The following CCDC191 variants were observed in gnomAD, a reference collection of about 807,000 sequenced individuals.
The protein encoded by CCDC191 is coiled-coil domain containing 191.
Under a neutral mutation model 114.0 loss-of-function variants are expected in CCDC191, and 99 were observed. The ratio of observed to expected loss-of-function variants is 0.87; its 90% confidence interval spans 0.74 to 1.03. The LOEUF is 1.03. Among genes scored for constraint, CCDC191 ranks in the 50% least tolerant of loss-of-function variants. The probability of loss-of-function intolerance (pLI) is 0.00; values close to 1 mark genes in which losing one functional copy is unlikely to be tolerated. For synonymous variants in CCDC191, 351 were observed against 376.0 expected (o/e 0.93, Z 0.77); for missense variants, 973 against 1,087.0 (o/e 0.90, Z 1.47).
intron 16 of CCDC191, 53 bp from the exon 17 acceptor site, chr3:113,965,412 C>A: frequency 9.8e-7 from 1 of 1,024,182 alleles, no homozygotes; most frequent in South Asian, 1.6e-5. Context: ...GTTGGCTTTC[C>A]ATCTATAGCA....
intron 13 of CCDC191, among the ~76,000 whole-genome samples, chr3:113,999,765 T>C (rs536485828): frequency 6.6e-6 from 1 of 152,344 alleles, no homozygotes; most frequent in African/African-American, 2.4e-5. Context: ...AATACATTTG[T>C]GCATTTTCTT....
chr3:114,030,650 C>G (rs1189655488), intron 7 of CCDC191, among the ~76,000 whole-genome samples: 2 of 152,146 alleles, frequency 1.3e-5, no homozygotes, highest in African/African-American at 2.4e-5. Flanking sequence ...ATATCACCAT[C>G]AAATATGTCT....
At chr3:114,005,987 C>T (rs890303644) in intron 9 of CCDC191, 25 bp from the exon 10 acceptor site, 16 of 1,584,422 alleles carry the variant, frequency 1.0e-5, no homozygotes, top group Admixed American at 3.3e-5. Flanking sequence ...CATGTTATAG[C>T]TCAACTATTT....
chr3:113,975,634 T>C lies in CCDC191; in HGVS notation c.2606+2552A>G, dbSNP rs986982644. On this transcript the variant is annotated intron_variant, in intron 16 of 16. Coordinates refer to ENST00000295878, the MANE Select transcript of CCDC191 (RefSeq NM_020817.2). ...TACTTTCAGAGAGTCTTAAGTGCTG[T>C]GAAGGAAGTAGGGCAGTTTAATGGA... is the stretch of plus-strand genomic sequence containing the variant. 3.9e-5 allele frequency among the ~76,000 whole-genome samples: 6 copies of C among 152,304 alleles called. No individual in the cohort carries two copies. In the East Asian group the frequency reaches 1.2e-3, roughly 29 times the overall value.
intron 7 of CCDC191, among the ~76,000 whole-genome samples, chr3:114,027,601 C>CAA (rs67548547): frequency 0.076 from 4,526 of 59,342 alleles, 252 homozygotes; most frequent in Non-Finnish European, 0.095. Flanking sequence ...GACTCTGTCT[C>CAA]AAAAAAAAAA....
In CCDC191 at chr3:113,964,265, T is replaced by A. The variant is rs543201855; in HGVS notation, c.*890A>T. On this transcript the variant is annotated 3_prime_UTR_variant, in exon 17 of 17. Coordinates refer to ENST00000295878, the MANE Select transcript of CCDC191 (RefSeq NM_020817.2). ...TATGCATTTATGGACTACTTGAATT[T>A]GTTATATAATAAATGTGTATTTTAT... 5.3e-5 allele frequency: 8 copies of A among 152,356 alleles called. No individual in the cohort carries two copies. The highest frequency in any genetic ancestry group is 4.6e-4 in the Admixed American group (7 of 15,306). 9.4% of individuals were successfully genotyped at this position (152,356 alleles called of 1,614,324 possible).
intron 3 of CCDC191, among the ~76,000 whole-genome samples, 175 bp from the exon 4 acceptor site, chr3:114,043,021 C>T (rs2076583798): frequency 1.3e-5 from 2 of 152,090 alleles, no homozygotes; most frequent in South Asian, 4.1e-4. Context: ...CATCATGAAA[C>T]TTACATTCCA....
chr3:113,978,918 G>T lies in CCDC191; in HGVS notation c.2400C>A (p.Ala800=). ...RSQESLARKM[A]QADQFYSQIL... ...TTTGGGAATAAAATTGATCAGCCTG[G>T]GCCATCTTTCTAGCCAGACTTTCCT... Residue 800 remains alanine (A), a synonymous_variant, in exon 15 of 17, where the codon GCC becomes GCA. Coordinates refer to ENST00000295878, the MANE Select transcript of CCDC191 (RefSeq NM_020817.2). 1 of 1,613,960 alleles carries T rather than the reference G, an allele frequency of 6.2e-7. No individual in the cohort carries two copies. The highest frequency in any genetic ancestry group is 2.2e-5 in the East Asian group (1 of 44,884).
At chr3:114,010,158 A>C (rs2076044651) in intron 9 of CCDC191, among the ~76,000 whole-genome samples, 1 of 152,182 alleles carries the variant, frequency 6.6e-6, no homozygotes, top group South Asian at 2.1e-4. Flanking sequence ...GAAGGAAAAA[A>C]AAACATGGCC....
At chr3:113,991,406 G>A (rs973754734) in intron 13 of CCDC191, among the ~76,000 whole-genome samples, 4 of 151,988 alleles carry the variant, frequency 2.6e-5, no homozygotes, top group African/African-American at 7.3e-5. Flanking sequence ...GTAGTTTACC[G>A]TATTAGTAGA....
intron 11 of CCDC191, chr3:114,003,619 C>T (rs2075893992): frequency 1.0e-6 from 1 of 985,134 alleles, no homozygotes; most frequent in South Asian, 4.7e-5. Flanking sequence ...CTTGACCAAA[C>T]AATAATTTTA....
rs2076581117 is a variant in CCDC191, at chr3:114,042,808, T to G, written c.310A>C (p.Lys104Gln). The G allele has an allele frequency of 6.2e-7, 1 of 1,602,322 alleles. No homozygotes were observed. ...LVNDWLDTKL[K>Q]QELASEEEGD... ...TCTTCCTCACTTGCTAATTCTTGCT[T>G]AAGTTTGGTGTCTAACCAGTCATTG... Residue 104 changes from lysine to glutamine, a missense_variant, in exon 4 of 17, where the codon AAG becomes CAG. Lys to Gln is a moderately conservative substitution (Grantham distance 53, BLOSUM62 1). Coordinates refer to ENST00000295878, the MANE Select transcript of CCDC191 (RefSeq NM_020817.2).
rs377718669 is a variant in CCDC191, at chr3:113,965,363, T to C, written c.2607-4A>G. 59 of 1,546,410 alleles carry C rather than the reference T, an allele frequency of 3.8e-5. No individual in the cohort carries two copies. Among genetic ancestry groups the C allele is most frequent in the Non-Finnish European group, 5.0e-5 (57 of 1,146,432 alleles). On this transcript the variant is annotated splice_region_variant and splice_polypyrimidine_tract_variant and intron_variant, in intron 16 of 16. Transcript: ENST00000295878. ...AAGGGTGATCCAGAGGATCCTCCTT[T>C]AAGAATAAAGAAGGAAAAAAGTGAA...
At chr3:114,036,022 A>T (rs16861470) in intron 5 of CCDC191, among the ~76,000 whole-genome samples, 39,440 of 152,044 alleles carry the variant, frequency 0.26, 5,471 homozygotes, top group African/African-American at 0.35. Flanking sequence ...TTAATTCCGG[A>T]TCAGTCTTAG....
intron 4 of CCDC191, among the ~76,000 whole-genome samples, chr3:114,038,246 C>G (rs1399855963): frequency 6.6e-6 from 1 of 152,078 alleles, no homozygotes; most frequent in Non-Finnish European, 1.5e-5. Flanking sequence ...TGTAGTTGTT[C>G]CAAAGATAGT....
chr3:114,022,130 C>T (rs1054051288), intron 7 of CCDC191, among the ~76,000 whole-genome samples: 56 of 152,144 alleles, frequency 3.7e-4, no homozygotes, highest in African/African-American at 1.3e-3. Flanking sequence ...ATGGTGTCCT[C>T]CCCACAAAAT....
chr3:114,005,642 G>A lies in CCDC191; in HGVS notation c.1734C>T (p.Leu578=), dbSNP rs763956498. The A allele has an allele frequency of 3.7e-6, 6 of 1,614,120 alleles. No individual in the cohort carries two copies. The highest frequency in any genetic ancestry group is 1.7e-5 in the Admixed American group (1 of 60,004). ...CCAGCTGCAGGTTTTTCTTCAGCTCGAGAATTGTTTTCTGCTGTTCCTGAA... is the reference window on the plus strand; with the variant it reads ...CCAGCTGCAGGTTTTTCTTCAGCTCAAGAATTGTTTTCTGCTGTTCCTGAA... ...KKLQEQQKTI[L]ELKKNLQLAE... The change falls in exon 10 of 17, where the codon CTC becomes CTT. Residue 578 remains leucine, a synonymous_variant. Coordinates refer to ENST00000295878, the MANE Select transcript of CCDC191 (RefSeq NM_020817.2).
chr3:113,999,144 G>A (rs768438983), intron 13 of CCDC191, among the ~76,000 whole-genome samples: 2 of 152,110 alleles, frequency 1.3e-5, no homozygotes, highest in Non-Finnish European at 1.5e-5. Context: ...CAAGGGCCCA[G>A]GAATCAAGGG....
At chr3:113,988,059 A>T (rs2399494) in intron 13 of CCDC191, among the ~76,000 whole-genome samples, 65,474 of 151,142 alleles carry the variant, frequency 0.43, 14,259 homozygotes, top group East Asian at 0.51. Flanking sequence ...ATATATATAT[A>T]TTTAAAGAGG....
Sources: gnomAD v4.1 joint callset for allele counts (sites outside exome capture counted in the v4.1 genomes callset) on GRCh38, gnomAD v4.1.1 for gene constraint, MANE v1.5 for transcripts, NCBI Gene and HGNC (gene_info 2026-07-23, HGNC 2026-07-21) for gene names.